Variants in CCSER1 observed in about 807,000 individuals in gnomAD.
CCSER1 encodes coiled-coil serine rich protein 1.
CCSER1 carries 41 observed loss-of-function variants against 82.0 expected under a neutral mutation model. That is an observed-to-expected ratio of 0.50 (90% confidence interval 0.39 to 0.65). The LOEUF (loss-of-function observed/expected upper bound fraction) is 0.65. Ranked by LOEUF, CCSER1 falls within the 30% of genes least tolerant of loss-of-function variation. CCSER1 has a pLI of 0.00. For synonymous variants in CCSER1, 414 were observed against 383.9 expected (o/e 1.08, Z -0.92); for missense variants, 1,119 against 1,064.2 (o/e 1.05, Z -0.72).
rs1202246145 is a variant in CCSER1 at position 90,501,334 on chromosome 4, C to T, written c.1724+32980C>T. On this transcript the variant is annotated intron_variant, in intron 5 of 10. Transcript: ENST00000509176. ...AAAGTGACAAAAATTCTAGATCTTG[C>T]AATTAACGATATTAATATGTGTTGA... 5.3e-5 allele frequency among the ~76,000 whole-genome samples: 8 copies of T among 152,204 alleles called. No homozygotes were observed. In the South Asian group the frequency reaches 1.5e-3, roughly 28 times the overall value.
chr4:91,437,714 T>G (rs1262689680), intron 10 of CCSER1, among the ~76,000 whole-genome samples: 14 of 152,136 alleles, frequency 9.2e-5, no homozygotes, highest in Admixed American at 9.2e-4. Flanking sequence ...GTCAGGGAGT[T>G]CCCTTCCCTA....
intron 9 of CCSER1, among the ~76,000 whole-genome samples, chr4:90,967,078 A>G (rs1734635785): frequency 6.6e-6 from 1 of 152,078 alleles, no homozygotes; most frequent in South Asian, 2.1e-4. Flanking sequence ...TAGAATTGAG[A>G]ATCCAAAACT....
At chr4:90,661,043 G>T (rs1730678646) in intron 6 of CCSER1, among the ~76,000 whole-genome samples, 1 of 152,126 alleles carries the variant, frequency 6.6e-6, no homozygotes, top group Admixed American at 6.5e-5. Flanking sequence ...CATGGTGCTT[G>T]CAATAAAGGA....
intron 3 of CCSER1, among the ~76,000 whole-genome samples, chr4:90,366,657 CTGTAACCCATTGTG>C (rs1746336219): frequency 6.6e-6 from 1 of 151,814 alleles, no homozygotes; most frequent in African/African-American, 2.4e-5. Context: ...CCTCCAGCCT[CTGTAACCCATTGTG>C]TATTTTAAAC....
At position 90,313,828 on chromosome 4, in the gene CCSER1, C is replaced by A. The variant is rs2870245; in HGVS notation, c.1509+781C>A. The stretch of plus-strand genomic sequence containing the variant: ...ATTGCCTTTTGGAGATCACTTTGCT[C>A]ACCTTCTCACAAATGTGTCCTTTTT... On this transcript the variant is annotated intron_variant, in intron 3 of 10. Coordinates refer to ENST00000509176, the MANE Select transcript of CCSER1 (RefSeq NM_001145065.2). 1.6e-3 allele frequency among the ~76,000 whole-genome samples: 243 copies of A among 152,250 alleles called. 1 individual carries two copies. The highest frequency in any genetic ancestry group is 5.5e-3 in the African/African-American group (230 of 41,532).
rs140140478 is a variant in CCSER1, at chr4:90,924,946, C to T, written c.2172+1499C>T. 6.4e-3 allele frequency among the ~76,000 whole-genome samples: 967 copies of T among 152,204 alleles called. 6 individuals carry two copies. The highest frequency in any genetic ancestry group is 0.021 in the African/African-American group (856 of 41,526). On this transcript the variant is annotated intron_variant, in intron 9 of 10. Transcript: ENST00000509176. Reference sequence around the variant, plus strand: ...TTCATCATGTTGGTCAGGTTAGTCTCGAACTCCTTACCTCAAATGATCCAC... The same window carrying T: ...TTCATCATGTTGGTCAGGTTAGTCTTGAACTCCTTACCTCAAATGATCCAC...
intron 10 of CCSER1, among the ~76,000 whole-genome samples, chr4:91,223,769 A>T (rs1445267535): frequency 6.6e-6 from 1 of 152,034 alleles, no homozygotes; most frequent in Non-Finnish European, 1.5e-5. Flanking sequence ...AATAGGATAA[A>T]TCTGACTGAG....
At chr4:91,080,324 A>T (rs555111607) in intron 9 of CCSER1, among the ~76,000 whole-genome samples, 1 of 152,230 alleles carries the variant, frequency 6.6e-6, no homozygotes, top group African/African-American at 2.4e-5. Context: ...ACTACTGGGT[A>T]CATAAAGAAA....
intron 6 of CCSER1, among the ~76,000 whole-genome samples, chr4:90,638,073 A>T (rs570316372): frequency 1.0e-3 from 159 of 152,044 alleles, no homozygotes; most frequent in African/African-American, 3.7e-3. Flanking sequence ...GTGCGGGATA[A>T]CTCCTTTAAG....
chr4:90,528,697 T>G (rs919515566), intron 5 of CCSER1, among the ~76,000 whole-genome samples: 1 of 152,210 alleles, frequency 6.6e-6, no homozygotes, highest in African/African-American at 2.4e-5. Context: ...TGACATTTTT[T>G]TCTAGTCACT....
intron 10 of CCSER1, among the ~76,000 whole-genome samples, chr4:91,420,177 A>C (rs1479725397): frequency 6.6e-6 from 1 of 152,128 alleles, no homozygotes; most frequent in Non-Finnish European, 1.5e-5. Flanking sequence ...AAGCACAAGC[A>C]ACAAAAGCAA....
intron 4 of CCSER1, among the ~76,000 whole-genome samples, chr4:90,411,312 A>G (rs949846089): frequency 6.6e-6 from 1 of 152,190 alleles, no homozygotes. Flanking sequence ...CCTGGCAGAG[A>G]CACAACAAAA....
intron 10 of CCSER1, among the ~76,000 whole-genome samples, chr4:91,508,162 G>GTTTTTTTTTTTTTTTTTTTTTTTGTTT (rs139066436): frequency 1.0e-5 from 1 of 97,654 alleles, no homozygotes; most frequent in Non-Finnish European, 1.9e-5. Context: ...TTTTTTCTGG[G>GTTTTTTTTTTTTTTTTTTTTTTTGTTT]TTTTTTTTTT....
chr4:90,858,277 CAAAGATGAAAG>C (rs1764686628), intron 8 of CCSER1, among the ~76,000 whole-genome samples: 1 of 151,974 alleles, frequency 6.6e-6, no homozygotes, highest in African/African-American at 2.4e-5. Flanking sequence ...ATGATTTGAA[CAAAGATGAAAG>C]AAATATTCAC....
At chr4:91,394,392 A>G (rs1333015090) in intron 10 of CCSER1, among the ~76,000 whole-genome samples, 1 of 152,128 alleles carries the variant, frequency 6.6e-6, no homozygotes, top group African/African-American at 2.4e-5. Flanking sequence ...ATAATTTCAA[A>G]TAATTTGTTA....
intron 4 of CCSER1, among the ~76,000 whole-genome samples, chr4:90,465,808 C>G (rs1404930334): frequency 6.6e-6 from 1 of 152,118 alleles, no homozygotes; most frequent in Non-Finnish European, 1.5e-5. Context: ...GTACTTTATA[C>G]AATTACTCAC....
chr4:90,235,125 A>G (rs1236222105), intron 1 of CCSER1: 1 of 152,304 alleles, frequency 6.6e-6, no homozygotes, highest in Non-Finnish European at 1.5e-5. Flanking sequence ...ATATGTTGTT[A>G]TCACTAACTG....
chr4:90,365,019 G>A (rs1746024243), intron 3 of CCSER1, among the ~76,000 whole-genome samples: 1 of 151,718 alleles, frequency 6.6e-6, no homozygotes, highest in Non-Finnish European at 1.5e-5. Context: ...CTAAACTCAG[G>A]ACAAAATATA....
intron 1 of CCSER1, among the ~76,000 whole-genome samples, chr4:90,194,323 G>A (rs1273494812): frequency 6.6e-6 from 1 of 151,946 alleles, no homozygotes; most frequent in Non-Finnish European, 1.5e-5. Flanking sequence ...TGATTGAAGG[G>A]CATTTGTTAT....
Sources: allele counts gnomAD v4.1 joint callset (sites outside exome capture counted in the v4.1 genomes callset), GRCh38; gene constraint gnomAD v4.1.1; transcripts MANE v1.5; gene names NCBI Gene and HGNC (gene_info 2026-07-23, HGNC 2026-07-21).